CELF2: variants seen among roughly 807,000 people sequenced by gnomAD.
CELF2 encodes CUG triplet repeat RNA-binding protein 2.
Under a neutral mutation model 62.6 loss-of-function variants are expected in CELF2, and 8 were observed. The observed-to-expected ratio is 0.13, with a 90% CI of 0.07 to 0.23. The LOEUF (loss-of-function observed/expected upper bound fraction) is 0.23, where lower values mean the gene tolerates loss of function less well. CELF2 is among the 10% of genes least tolerant of loss of function. The pLI, the probability that CELF2 is intolerant of heterozygous loss-of-function variation, is 1.00. For missense variants in CELF2, 333 were observed against 671.0 expected, an observed-to-expected ratio of 0.50 and a Z score of 5.56; for synonymous variants, 258 against 250.0, an observed-to-expected ratio of 1.03 and a Z score of -0.30.
Position 10,949,826 on chromosome 10 carries a change from C to CAA in CELF2, c.89+29848_89+29849dup, listed in dbSNP as rs35952853. On this transcript the variant is annotated intron_variant, in intron 2 of 13. Coordinates refer to the CELF2 transcript ENST00000636488. ...AAAACAAAACGAAACACACACACAC[C>CAA]AAAAAAAAAAAAAAAAAAAAAACTC... is the stretch of plus-strand genomic sequence containing the variant. 4.1e-3 allele frequency among the ~76,000 whole-genome samples: 337 copies of CAA among 82,174 alleles called. 2 individuals carry two copies. Among genetic ancestry groups the CAA allele is most frequent in the African/African-American group, 0.013 (307 of 22,948 alleles). 53.9% of individuals were successfully genotyped at this position (82,174 alleles called of 152,430 possible).
At chr10:11,195,637 G>A (rs1588786916) in intron 2 of CELF2, among the ~76,000 whole-genome samples, 1 of 152,188 alleles carries the variant, frequency 6.6e-6, no homozygotes, top group African/African-American at 2.4e-5. Context: ...CCTAGGTACC[G>A]TGACCCAAGC....
At chr10:10,779,203 G>A in the CELF2 span, among the ~76,000 whole-genome samples, 4 of 152,170 alleles carry the variant, frequency 2.6e-5, no homozygotes, top group Admixed American at 1.3e-4. Context: ...TTATGTAACA[G>A]CGTATCTCCA....
At chr10:11,108,873 A>G (rs2054384009) in intron 1 of CELF2, among the ~76,000 whole-genome samples, 1 of 152,054 alleles carries the variant, frequency 6.6e-6, no homozygotes, top group Non-Finnish European at 1.5e-5. Context: ...TCGTATGCAC[A>G]TTTTTCCATT....
At chr10:10,616,297 T>G in the CELF2 span, among the ~76,000 whole-genome samples, 2,551 of 104,242 alleles carry the variant, frequency 0.024, 58 homozygotes, top group African/African-American at 0.074. Context: ...TTGTTTGGGG[T>G]GTGTGTGTGT....
intron 1 of CELF2, among the ~76,000 whole-genome samples, chr10:10,905,969 C>A (rs571654075): frequency 6.6e-6 from 1 of 151,810 alleles, no homozygotes; most frequent in Non-Finnish European, 1.5e-5. Flanking sequence ...TATCAGGGCA[C>A]CTGAGGCAGG....
chr10:11,177,604 C>T lies in CELF2; in HGVS notation c.271+11922C>T, dbSNP rs1245706683. 6.6e-6 allele frequency among the ~76,000 whole-genome samples: 1 copy of T among 152,138 alleles called. No homozygotes were observed. The highest frequency in any genetic ancestry group is 1.5e-5 in the Non-Finnish European group (1 of 68,030). ...GAGAAAACAGACCAGCCTGGTTTCACGTTCCAGACAGCATGAAGTACCTCA... is the reference window on the plus strand; with the variant it reads ...GAGAAAACAGACCAGCCTGGTTTCATGTTCCAGACAGCATGAAGTACCTCA... On this transcript the variant is annotated intron_variant, in intron 2 of 12. Transcript: ENST00000633077. This position sits in a 1 kb window ranked among gnomAD's most constrained non-coding sequence, Gnocchi z 4.8.
At chr10:10,741,304 A>G in the CELF2 span, among the ~76,000 whole-genome samples, 1 of 152,042 alleles carries the variant, frequency 6.6e-6, no homozygotes, top group South Asian at 2.1e-4. Context: ...CGATGTCAAC[A>G]GATCGAGACC....
At chr10:11,265,774 T>G (rs911968191) in intron 5 of CELF2, among the ~76,000 whole-genome samples, 18 of 152,232 alleles carry the variant, frequency 1.2e-4, no homozygotes, top group African/African-American at 4.3e-4. Flanking sequence ...CACGGAAAGT[T>G]TCACTGGTCT....
chr10:10,547,303 T>C, the CELF2 span, among the ~76,000 whole-genome samples: 1 of 152,142 alleles, frequency 6.6e-6, no homozygotes, highest in Non-Finnish European at 1.5e-5. Context: ...CAGTGCCGAA[T>C]GCCTAATTCC....
At chr10:10,818,842 T>C (rs1228430421) in intron 1 of CELF2, among the ~76,000 whole-genome samples, 5 of 152,152 alleles carry the variant, frequency 3.3e-5, no homozygotes, top group Non-Finnish European at 5.9e-5. Context: ...CCTCCCAAAA[T>C]GTTGGGATTA....
chr10:10,941,381 C>A (rs1343496783), intron 2 of CELF2, among the ~76,000 whole-genome samples: 1 of 152,130 alleles, frequency 6.6e-6, no homozygotes, highest in African/African-American at 2.4e-5. Context: ...AGTCCATAAA[C>A]CCTTGGTTTC....
intron 1 of CELF2, among the ~76,000 whole-genome samples, chr10:10,840,012 T>C (rs1223079572): frequency 6.6e-6 from 1 of 152,244 alleles, no homozygotes; most frequent in Non-Finnish European, 1.5e-5. Flanking sequence ...CAGAGTTTTG[T>C]CTATGTATTT....
the CELF2 span, among the ~76,000 whole-genome samples, chr10:10,578,634 C>T: frequency 6.6e-6 from 1 of 152,060 alleles, no homozygotes; most frequent in Non-Finnish European, 1.5e-5. Flanking sequence ...GGGAAAAGGA[C>T]CATGCAAGCA....
intron 2 of CELF2, among the ~76,000 whole-genome samples, chr10:10,943,843 C>G (rs1424657979): frequency 1.3e-5 from 2 of 150,198 alleles, no homozygotes; most frequent in Non-Finnish European, 1.5e-5. Flanking sequence ...CTCAGGTGAT[C>G]TGCTTGCCTC....
chr10:10,464,998 C>T, the CELF2 span, among the ~76,000 whole-genome samples: 1 of 152,086 alleles, frequency 6.6e-6, no homozygotes, highest in African/African-American at 2.4e-5. Flanking sequence ...TTGCCATGAG[C>T]TCTTGCGGCA....
the CELF2 span, among the ~76,000 whole-genome samples, chr10:10,665,858 T>C: frequency 6.6e-6 from 1 of 152,162 alleles, no homozygotes; most frequent in Non-Finnish European, 1.5e-5. Flanking sequence ...TAAGGAAATA[T>C]TCTACAAAAA....
At position 11,145,922 on chromosome 10, in the gene CELF2, T is replaced by C. The variant is rs540532991; in HGVS notation, c.75-19564T>C. Among the ~76,000 whole-genome samples, 1 of 152,346 alleles carries C rather than the reference T, an allele frequency of 6.6e-6. No homozygotes were observed. The highest frequency in any genetic ancestry group is 2.1e-4 in the South Asian group (1 of 4,834). ...TATGTATACTTTTTTCTTTTTCATT[T>C]TCTAACTACTACTTAAAATCCAAGA... On this transcript the variant is annotated intron_variant, in intron 1 of 12. Transcript: ENST00000633077. This position sits in a 1 kb window ranked among gnomAD's most constrained non-coding sequence, Gnocchi z 4.3.
At chr10:10,898,519 G>T (rs1026064257) in intron 1 of CELF2, among the ~76,000 whole-genome samples, 7 of 152,204 alleles carry the variant, frequency 4.6e-5, no homozygotes, top group Non-Finnish European at 8.8e-5. Context: ...TATTGCCAGG[G>T]ATAGAGAGGG....
At chr10:11,003,138 G>A (rs186341079), upstream of CELF2, among the ~76,000 whole-genome samples, 9 of 152,264 alleles carry the variant, frequency 5.9e-5, no homozygotes, top group East Asian at 3.9e-4. This position sits in a 1 kb window ranked among gnomAD's most constrained non-coding sequence, Gnocchi z 4.4. Flanking sequence ...TCTTAGTGGC[G>A]TTTAGACAGG....
Sources: gnomAD v4.1 joint callset for allele counts (sites outside exome capture counted in the v4.1 genomes callset) on GRCh38, gnomAD v4.1.1 for gene constraint, Gnocchi (gnomAD v3.1) non-coding constraint, MANE v1.5 for transcripts, NCBI Gene and HGNC (gene_info 2026-07-23, HGNC 2026-07-21) for gene names.